Variants in TRAM2 observed in about 807,000 individuals in gnomAD.
TRAM2 encodes translocating chain-associated membrane protein 2.
TRAM2 carries 12 observed loss-of-function variants against 51.0 expected under a neutral mutation model. The ratio of observed to expected loss-of-function variants is 0.24; its 90% CI spans 0.15 to 0.38. The LOEUF (loss-of-function observed/expected upper bound fraction) is 0.38. TRAM2 is among the 10% of genes least tolerant of loss of function. TRAM2 has a pLI of 1.00. For missense variants in TRAM2, 361 were observed against 462.0 expected (o/e 0.78, Z 2.00); for synonymous variants, 175 against 179.4 (o/e 0.98, Z 0.20).
chr6:52,573,818 T>C (rs1044342533), intron 1 of TRAM2, among the ~76,000 whole-genome samples: 1 of 151,828 alleles, frequency 6.6e-6, no homozygotes, highest in African/African-American at 2.4e-5. Context: ...AGGGATGCAA[T>C]GCAGACACAA....
intron 2 of TRAM2, chr6:52,529,397 T>G (rs1766844516): frequency 1.3e-5 from 1 of 77,034 alleles, no homozygotes; most frequent in Admixed American, 1.5e-4. Flanking sequence ...TAGGATTATT[T>G]GAAAGCCTAG....
chr6:52,508,206 C>T lies in TRAM2; in HGVS notation c.555+28G>A, dbSNP rs370057965. Reference sequence around the variant, plus strand: ...GAGGGGAGTGGTCAATGAATGGCCTCCAAGAAGGGAGAGAAGTGAGCACTC... The same window carrying T: ...GAGGGGAGTGGTCAATGAATGGCCTTCAAGAAGGGAGAGAAGTGAGCACTC... On this transcript the variant is annotated intron_variant, in intron 6 of 10. Coordinates refer to ENST00000182527, the MANE Select transcript of TRAM2 (RefSeq NM_012288.4). The T allele has an allele frequency of 2.0e-5, 32 of 1,609,752 alleles. No homozygotes were observed. The East Asian group carries it at 3.8e-4, about 19-fold the overall frequency.
chr6:52,560,976 CAA>C (rs769709504), intron 1 of TRAM2, among the ~76,000 whole-genome samples: 5 of 152,112 alleles, frequency 3.3e-5, no homozygotes, highest in African/African-American at 9.7e-5. Context: ...TCATAATCGC[CAA>C]AAGAGACAAA....
intron 2 of TRAM2, among the ~76,000 whole-genome samples, chr6:52,532,538 C>A (rs966906513): frequency 2.6e-5 from 4 of 152,088 alleles, no homozygotes; most frequent in African/African-American, 9.7e-5. Flanking sequence ...GCAATACATA[C>A]ATAAAACCTT....
At chr6:52,545,345 A>G (rs1041586592) in intron 1 of TRAM2, among the ~76,000 whole-genome samples, 40 of 152,322 alleles carry the variant, frequency 2.6e-4, no homozygotes, top group Admixed American at 8.5e-4. Context: ...CCCCCACCCG[A>G]GGCCCATTAA....
intron 7 of TRAM2, among the ~76,000 whole-genome samples, chr6:52,506,418 A>C (rs539673751): frequency 2.2e-4 from 33 of 152,198 alleles, no homozygotes; most frequent in Non-Finnish European, 4.6e-4. Flanking sequence ...CACAGTACTT[A>C]GCACCTTGCA....
Position 52,505,646 on chromosome 6 carries a change from G to A in TRAM2, c.828C>T (p.Asn276=). The A allele has an allele frequency of 6.2e-7, 1 of 1,613,548 alleles. No individual in the cohort carries two copies. Among genetic ancestry groups the A allele is most frequent in the Admixed American group, 1.7e-5 (1 of 59,976 alleles). ...AIGFGLARME[N]QAFDPEKGNF... is the part of the protein sequence containing the mutation. ...TCCCTTTCTCGGGATCAAATGCCTGGTTTTCCATGCGAGCCAGTCCAAAGC... is the reference window on the plus strand; with the variant it reads ...TCCCTTTCTCGGGATCAAATGCCTGATTTTCCATGCGAGCCAGTCCAAAGC... Residue 276 remains asparagine (N), a synonymous_variant, in exon 9 of 11, where the codon AAC becomes AAT. Coordinates refer to ENST00000182527, the MANE Select transcript of TRAM2 (RefSeq NM_012288.4).
At chr6:52,531,230 G>GT (rs1766886353) in intron 2 of TRAM2, among the ~76,000 whole-genome samples, 1 of 150,080 alleles carries the variant, frequency 6.7e-6, no homozygotes, top group South Asian at 2.1e-4. Context: ...ATTGTAAAGT[G>GT]TTTTTTCCCA....
chr6:52,519,134 G>A (rs1296377306), intron 2 of TRAM2, among the ~76,000 whole-genome samples: 1 of 152,196 alleles, frequency 6.6e-6, no homozygotes, highest in Non-Finnish European at 1.5e-5. Flanking sequence ...ATTGGCTGAC[G>A]AACCACGCAC....
At chr6:52,567,246 G>A (rs1321567880) in intron 1 of TRAM2, among the ~76,000 whole-genome samples, 1 of 152,210 alleles carries the variant, frequency 6.6e-6, no homozygotes, top group Non-Finnish European at 1.5e-5. Context: ...TGAAAATCTG[G>A]CGAGGCCATA....
rs372611496 is a variant in TRAM2, at chr6:52,531,894, T to C, written c.184+3889A>G. ...ATGTTTCATGACATCAGAGATCAGATGGGTTCTGGACATTATTTTACACCC... is the reference window on the plus strand; with the variant it reads ...ATGTTTCATGACATCAGAGATCAGACGGGTTCTGGACATTATTTTACACCC... On this transcript the variant is annotated intron_variant, in intron 2 of 10. Coordinates refer to ENST00000182527, the MANE Select transcript of TRAM2 (RefSeq NM_012288.4). Among the ~76,000 whole-genome samples, 4 of 152,378 alleles carry C rather than the reference T, an allele frequency of 2.6e-5. No individual in the cohort carries two copies. In the East Asian group the frequency reaches 5.8e-4, roughly 22 times the overall value.
At position 52,498,360 on chromosome 6, in the gene TRAM2, T is replaced by G. The variant is rs1046958902; in HGVS notation, c.*4837A>C. ...ACTGAATTAGGAGCTCGAACAGTTCTGCAACAGTCAGACATGTATGTGTTT... is the reference window on the plus strand; with the variant it reads ...ACTGAATTAGGAGCTCGAACAGTTCGGCAACAGTCAGACATGTATGTGTTT... On this transcript the variant is annotated 3_prime_UTR_variant, in exon 11 of 11. Transcript: ENST00000182527. 11 of 152,586 alleles carry G rather than the reference T, an allele frequency of 7.2e-5. No homozygotes were observed. The highest frequency in any genetic ancestry group is 2.7e-4 in the African/African-American group (11 of 41,444). 9.5% of individuals were successfully genotyped at this position (152,586 alleles called of 1,614,324 possible).
chr6:52,560,544 T>C (rs1767481918), intron 1 of TRAM2, among the ~76,000 whole-genome samples: 1 of 152,230 alleles, frequency 6.6e-6, no homozygotes, highest in African/African-American at 2.4e-5. Context: ...ACAATTTACC[T>C]AATCTGTTCA....
At chr6:52,507,701 G>T (rs192008327) in intron 6 of TRAM2, 78 bp from the exon 7 acceptor site, 3 of 1,420,166 alleles carry the variant, frequency 2.1e-6, no homozygotes, top group Non-Finnish European at 3.0e-6. Flanking sequence ...AGTGCAGGGG[G>T]ATGAGAGAGG....
chr6:52,568,905 G>A (rs905203198), intron 1 of TRAM2, among the ~76,000 whole-genome samples: 1 of 152,174 alleles, frequency 6.6e-6, no homozygotes, highest in Non-Finnish European at 1.5e-5. Context: ...TTCAAAGGCA[G>A]GGCAACTGAG....
intron 1 of TRAM2, among the ~76,000 whole-genome samples, chr6:52,572,224 A>G (rs904846307): frequency 3.9e-5 from 6 of 152,346 alleles, no homozygotes; most frequent in East Asian, 1.9e-4. Context: ...CACCATGGAT[A>G]GAGTAAGTAA....
chr6:52,537,144 A>G (rs1034488759), intron 1 of TRAM2, among the ~76,000 whole-genome samples: 11 of 152,186 alleles, frequency 7.2e-5, no homozygotes, highest in African/African-American at 2.7e-4. Flanking sequence ...TACTCTGTAC[A>G]CAGAGATGCA....
chr6:52,576,922 G>T lies in TRAM2; in HGVS notation c.-7C>A, dbSNP rs1767779494. 2 of 1,609,228 alleles carry T rather than the reference G, an allele frequency of 1.2e-6. No homozygotes were observed. Among genetic ancestry groups the T allele is most frequent in the South Asian group, 1.1e-5 (1 of 90,520 alleles). ...TCCTCCTGCGGAAAGCCATGGCAGC[G>T]GGCGCGCAGCGGCCGGCGGGGCCCG... is the stretch of plus-strand genomic sequence containing the variant. On this transcript the variant is annotated 5_prime_UTR_variant, in exon 1 of 11. Transcript: ENST00000182527.
At chr6:52,559,790 C>T (rs1767467905) in intron 1 of TRAM2, among the ~76,000 whole-genome samples, 1 of 152,218 alleles carries the variant, frequency 6.6e-6, no homozygotes, top group African/African-American at 2.4e-5. Flanking sequence ...TGTATCTGCA[C>T]TGAATCATAT....
Sources: allele counts gnomAD v4.1 joint callset (sites outside exome capture counted in the v4.1 genomes callset), GRCh38; gene constraint gnomAD v4.1.1; transcripts MANE v1.5; gene names NCBI Gene and HGNC (gene_info 2026-07-23, HGNC 2026-07-21).